The following VSTM2B variants were observed in gnomAD, a reference collection of about 807,000 sequenced individuals.
VSTM2B encodes the protein V-set and transmembrane domain-containing protein 2B.
VSTM2B carries 24 observed loss-of-function variants against 24.0 expected under a neutral mutation model. The ratio of observed to expected loss-of-function variants is 1.00; its 90% confidence interval spans 0.72 to 1.40. VSTM2B has a LOEUF of 1.40. VSTM2B is among the 40% of genes most tolerant of loss of function. The pLI, the probability that VSTM2B is intolerant of heterozygous loss-of-function variation, is 0.00. For missense variants in VSTM2B, 399 were observed against 416.4 expected, an observed-to-expected ratio of 0.96 and a Z score of 0.36; for synonymous variants, 226 against 194.4, an observed-to-expected ratio of 1.16 and a Z score of -1.35.
chr19:29,552,400 G>T (rs10409054), intron 4 of VSTM2B, among the ~76,000 whole-genome samples: 13,296 of 152,238 alleles, frequency 0.087, 1,200 homozygotes, highest in African/African-American at 0.23. Flanking sequence ...TGGTACTGAC[G>T]TCGTTGGCAA....
At chr19:29,557,553 G>A (rs1172533433) in intron 4 of VSTM2B, among the ~76,000 whole-genome samples, 1 of 152,126 alleles carries the variant, frequency 6.6e-6, no homozygotes, top group African/African-American at 2.4e-5. Flanking sequence ...CAAAAAATTA[G>A]CTGAGCGTGG....
At chr19:29,534,157 G>T (rs944580378) in intron 4 of VSTM2B, among the ~76,000 whole-genome samples, 1 of 152,222 alleles carries the variant, frequency 6.6e-6, no homozygotes, top group African/African-American at 2.4e-5. Flanking sequence ...GCTGGCATCA[G>T]TGGGAGCCAT....
At chr19:29,550,976 C>T (rs562497257) in intron 4 of VSTM2B, among the ~76,000 whole-genome samples, 5 of 152,320 alleles carry the variant, frequency 3.3e-5, no homozygotes, top group East Asian at 1.9e-4. Context: ...TTCTAAGCCA[C>T]GGCCAGAAAA....
intron 4 of VSTM2B, among the ~76,000 whole-genome samples, chr19:29,555,602 A>G (rs1270614779): frequency 6.6e-6 from 1 of 152,188 alleles, no homozygotes; most frequent in African/African-American, 2.4e-5. Flanking sequence ...AATCCTTCAA[A>G]AAATTAATGA....
At chr19:29,552,202 C>T (rs1452233924) in intron 4 of VSTM2B, among the ~76,000 whole-genome samples, 1 of 152,202 alleles carries the variant, frequency 6.6e-6, no homozygotes, top group South Asian at 2.1e-4. Context: ...TCAGGGTCAG[C>T]CTGGAAGCCA....
At position 29,549,705 on chromosome 19, in the gene VSTM2B, G is replaced by A. The variant is rs140151173; in HGVS notation, c.770-14141G>A. 5.0e-4 allele frequency among the ~76,000 whole-genome samples: 76 copies of A among 152,348 alleles called. 3 individuals are homozygous for A. The East Asian group carries it at 0.01, about 21-fold the overall frequency. ...CATATATGTCTCCCCACAGGGAAAA[G>A]GATGGGGTTTGACTGTAGCCAGGAT... On this transcript the variant is annotated intron_variant, in intron 4 of 4. Transcript: ENST00000335523.
intron 4 of VSTM2B, among the ~76,000 whole-genome samples, chr19:29,545,405 G>C (rs1419822772): frequency 6.6e-6 from 1 of 152,178 alleles, no homozygotes; most frequent in Non-Finnish European, 1.5e-5. Context: ...CTGAGGTCAG[G>C]AGTTTGAGAC....
rs568290256 is a variant in VSTM2B at position 29,528,756 on chromosome 19, C to A, written c.297+294C>A. 1.2e-4 allele frequency among the ~76,000 whole-genome samples: 18 copies of A among 152,386 alleles called. No homozygotes were observed. The South Asian group carries it at 3.3e-3, about 28-fold the overall frequency. ...CGGACTGCGCGCTTAGGGCCTCTCG[C>A]GCCTGCCAGCCTCCGCTCTGCGGGC... On this transcript the variant is annotated intron_variant, in intron 3 of 4. Coordinates refer to ENST00000335523, the MANE Select transcript of VSTM2B (RefSeq NM_001146339.2).
At chr19:29,537,496 G>T (rs1969917975) in intron 4 of VSTM2B, among the ~76,000 whole-genome samples, 1 of 152,168 alleles carries the variant, frequency 6.6e-6, no homozygotes, top group Non-Finnish European at 1.5e-5. Flanking sequence ...GCCTGTCCCT[G>T]CCAGCAATCC....
At chr19:29,558,513 T>C (rs1313861764) in intron 4 of VSTM2B, among the ~76,000 whole-genome samples, 2 of 152,170 alleles carry the variant, frequency 1.3e-5, no homozygotes, top group Non-Finnish European at 2.9e-5. Flanking sequence ...GTATACACCA[T>C]AGAATACTAT....
At chr19:29,538,525 G>A (rs1393259067) in intron 4 of VSTM2B, among the ~76,000 whole-genome samples, 2 of 152,198 alleles carry the variant, frequency 1.3e-5, no homozygotes, top group African/African-American at 2.4e-5. Context: ...TGAGCATGAT[G>A]GAGCTAATTG....
chr19:29,560,303 C>A (rs1332220113), intron 4 of VSTM2B, among the ~76,000 whole-genome samples: 2 of 152,176 alleles, frequency 1.3e-5, no homozygotes, highest in East Asian at 3.9e-4. Flanking sequence ...ATTGCTTAAT[C>A]TGGACCCCTG....
At chr19:29,543,613 G>A (rs1046174999) in intron 4 of VSTM2B, among the ~76,000 whole-genome samples, 1 of 152,190 alleles carries the variant, frequency 6.6e-6, no homozygotes, top group Non-Finnish European at 1.5e-5. Flanking sequence ...ACAAGGAGCT[G>A]AAGCCTGGAC....
Position 29,530,224 on chromosome 19 carries a change from G to C in VSTM2B, c.703G>C (p.Ala235Pro). Residue 235 changes from alanine (A) to proline (P), a missense_variant, in exon 4 of 5, where the codon GCT (alanine) becomes CCT (proline). Transcript: ENST00000335523. ...GCCCACCACCACAGTCGCGGCAGCT[G>C]CTGCTGCCTCGTCAGCGTCGCCGCC... ...HTPTTTVAAAAAASSASPPSG... is the reference protein window; with the variant it reads ...HTPTTTVAAAPAASSASPPSG... 1.3e-6 allele frequency: 2 copies of C among 1,503,986 alleles called. No homozygotes were observed. Among genetic ancestry groups the C allele is most frequent in the Non-Finnish European group, 1.8e-6 (2 of 1,133,436 alleles). 93.2% of individuals were successfully genotyped at this position (1,503,986 alleles called of 1,614,324 possible). A position where few individuals can be genotyped will look rare whatever the true frequency, so the allele number is the denominator to read the frequency against.
In VSTM2B at chr19:29,538,468, G is replaced by A. The variant is rs118059458; in HGVS notation, c.769+8178G>A. Among the ~76,000 whole-genome samples, 65 of 152,310 alleles carry A rather than the reference G, an allele frequency of 4.3e-4. No homozygotes were observed. The East Asian group carries it at 0.011, about 25-fold the overall frequency. ...CTTACTAAGCTGGACAGGGTGCTCC[G>A]ATCTGAGACTTCCTTCATGAGACCG... On this transcript the variant is annotated intron_variant, in intron 4 of 4. Transcript: ENST00000335523.
At position 29,526,296 on chromosome 19, in the gene VSTM2B, G is replaced by A. The variant is rs1262354062; in HGVS notation, c.-288G>A. The stretch of plus-strand genomic sequence containing the variant: ...AGAGACTGAACCGCGGATCCCCACC[G>A]TCCTGTGGACGACCGGACAGAGAGA... On this transcript the variant is annotated 5_prime_UTR_variant, in exon 1 of 5. Coordinates refer to ENST00000335523, the MANE Select transcript of VSTM2B (RefSeq NM_001146339.2). The surrounding 1 kb of genome is among the most constrained non-coding windows in gnomAD (Gnocchi z 4.1). Among the ~76,000 whole-genome samples, 6 of 151,808 alleles carry A rather than the reference G, an allele frequency of 4.0e-5. No homozygotes were observed. Among genetic ancestry groups the A allele is most frequent in the Non-Finnish European group, 5.9e-5 (4 of 67,886 alleles).
chr19:29,540,865 GC>G (rs1278656782), intron 4 of VSTM2B, among the ~76,000 whole-genome samples: 5 of 152,180 alleles, frequency 3.3e-5, no homozygotes, highest in Admixed American at 1.3e-4. Flanking sequence ...GGCTATGGGA[GC>G]TAAAATAGGG....
At chr19:29,559,864 G>A (rs1243513977) in intron 4 of VSTM2B, among the ~76,000 whole-genome samples, 1 of 152,158 alleles carries the variant, frequency 6.6e-6, no homozygotes, top group Non-Finnish European at 1.5e-5. Context: ...AAACTCAATG[G>A]CTTTGGCAGA....
chr19:29,540,035 G>A (rs1463144744), intron 4 of VSTM2B, among the ~76,000 whole-genome samples: 1 of 152,260 alleles, frequency 6.6e-6, no homozygotes, highest in Admixed American at 6.5e-5. Context: ...TTTAAGGCAG[G>A]AAAGCCCAGC....
Sources: allele counts gnomAD v4.1 joint callset (sites outside exome capture counted in the v4.1 genomes callset), GRCh38; gene constraint gnomAD v4.1.1; non-coding constraint Gnocchi (gnomAD v3.1); transcripts MANE v1.5; gene names NCBI Gene and HGNC (gene_info 2026-07-23, HGNC 2026-07-21).